DLG2: variants seen among roughly 807,000 people sequenced by gnomAD.
DLG2 encodes the protein disks large homolog 2.
DLG2 carries 45 observed loss-of-function variants against 132.5 expected under a neutral mutation model. The ratio of observed to expected loss-of-function variants is 0.34; its 90% confidence interval spans 0.27 to 0.44. The LOEUF (loss-of-function observed/expected upper bound fraction) is 0.44. DLG2 is among the 20% of genes least tolerant of loss of function. DLG2 has a pLI of 1.00. For synonymous variants in DLG2, 424 were observed against 419.6 expected (o/e 1.01, Z -0.13); for missense variants, 1,045 against 1,196.9 (o/e 0.87, Z 1.87).
At chr11:84,171,661 G>A (rs2095825658) in intron 8 of DLG2, among the ~76,000 whole-genome samples, 1 of 152,070 alleles carries the variant, frequency 6.6e-6, no homozygotes, top group Admixed American at 6.6e-5. Flanking sequence ...CTTTGCTATT[G>A]TGAATAGAGC....
chr11:85,490,393 T>C (rs987085571), intron 3 of DLG2, among the ~76,000 whole-genome samples: 1 of 151,560 alleles, frequency 6.6e-6, no homozygotes, highest in African/African-American at 2.4e-5. Context: ...TTCAAGGAAC[T>C]AGAAAAGCAA....
At chr11:85,032,374 T>C (rs560039877) in intron 6 of DLG2, among the ~76,000 whole-genome samples, 3 of 152,318 alleles carry the variant, frequency 2.0e-5, no homozygotes, top group African/African-American at 7.2e-5. Context: ...TACAAATGAG[T>C]GTCCTATCCT....
chr11:85,560,975 T>C lies in DLG2; in HGVS notation c.40+37682A>G, dbSNP rs573864846. On this transcript the variant is annotated intron_variant, in intron 3 of 27. Coordinates refer to ENST00000376104, the MANE Select transcript of DLG2 (RefSeq NM_001142699.3). Reference sequence around the variant, plus strand: ...TGAGCCTGAGAGGTCAAGGCTGCAGTGAGCTGTGATCATTCCATTGCACTC... The same window carrying C: ...TGAGCCTGAGAGGTCAAGGCTGCAGCGAGCTGTGATCATTCCATTGCACTC... Among the ~76,000 whole-genome samples, 5 of 151,622 alleles carry C rather than the reference T, an allele frequency of 3.3e-5. No homozygotes were observed. The East Asian group carries it at 9.7e-4, about 29-fold the overall frequency.
intron 15 of DLG2, among the ~76,000 whole-genome samples, chr11:83,903,684 G>A (rs1836400713): frequency 1.3e-5 from 2 of 152,148 alleles, no homozygotes; most frequent in South Asian, 4.1e-4. Context: ...TTTCCACAAT[G>A]AGTGTAGTTG....
At chr11:83,625,222 G>C (rs1056879219) in intron 19 of DLG2, among the ~76,000 whole-genome samples, 16 of 152,138 alleles carry the variant, frequency 1.1e-4, no homozygotes, top group African/African-American at 3.9e-4. Context: ...CAAGATTGGA[G>C]GGGAAGAAGA....
At chr11:84,143,791 T>A (rs2094955569) in intron 9 of DLG2, among the ~76,000 whole-genome samples, 1 of 152,122 alleles carries the variant, frequency 6.6e-6, no homozygotes, top group South Asian at 2.1e-4. Flanking sequence ...AGGTATTCAT[T>A]GTAGGAGGAA....
chr11:84,318,879 T>C (rs758177737), intron 7 of DLG2, among the ~76,000 whole-genome samples: 5 of 152,100 alleles, frequency 3.3e-5, no homozygotes, highest in Non-Finnish European at 7.3e-5. Context: ...AATACATACA[T>C]ATGTTTGACG....
chr11:83,850,972 C>T (rs532544447), intron 16 of DLG2, among the ~76,000 whole-genome samples: 79 of 152,072 alleles, frequency 5.2e-4, no homozygotes, highest in African/African-American at 1.6e-3. Context: ...GTCAGGAGAT[C>T]GAGATCATCC....
intron 3 of DLG2, among the ~76,000 whole-genome samples, chr11:85,367,598 A>T (rs1489629985): frequency 6.6e-6 from 1 of 152,156 alleles, no homozygotes; most frequent in Non-Finnish European, 1.5e-5. Context: ...GCTTTCTCAT[A>T]TGCTAATTAT....
At chr11:84,655,737 TG>T (rs1030086727) in intron 6 of DLG2, among the ~76,000 whole-genome samples, 3 of 140,784 alleles carry the variant, frequency 2.1e-5, no homozygotes, top group African/African-American at 7.8e-5. Flanking sequence ...TTTTTTTGTT[TG>T]TTTTTTTTTT....
At chr11:83,530,943 TAAG>T (rs894391145) in intron 21 of DLG2, among the ~76,000 whole-genome samples, 2 of 151,948 alleles carry the variant, frequency 1.3e-5, no homozygotes, top group African/African-American at 2.4e-5. Context: ...AAAATGAAAT[TAAG>T]AAGACAATTC....
intron 25 of DLG2, among the ~76,000 whole-genome samples, chr11:83,468,491 T>C (rs1326878584): frequency 2.0e-5 from 3 of 152,180 alleles, no homozygotes; most frequent in Non-Finnish European, 4.4e-5. Context: ...AGATGCAACT[T>C]CTTAGTGTAT....
chr11:84,770,877 G>A (rs1423313321), intron 6 of DLG2, among the ~76,000 whole-genome samples: 1 of 151,286 alleles, frequency 6.6e-6, no homozygotes, highest in Non-Finnish European at 1.5e-5. Context: ...TCAATCTCCT[G>A]ACCCTCGTGA....
chr11:84,703,404 G>C (rs974371463), intron 6 of DLG2, among the ~76,000 whole-genome samples: 1 of 151,352 alleles, frequency 6.6e-6, no homozygotes, highest in Non-Finnish European at 1.5e-5. Flanking sequence ...AAAGCCATAG[G>C]ATAATGAAGA....
chr11:83,978,237 A>G (rs927539109), intron 12 of DLG2, among the ~76,000 whole-genome samples: 3 of 152,022 alleles, frequency 2.0e-5, no homozygotes, highest in South Asian at 2.1e-4. Context: ...AAATAAGCAC[A>G]TAGCATTTAC....
chr11:85,444,816 C>A lies in DLG2; in HGVS notation c.40+153841G>T, dbSNP rs541945717. Among the ~76,000 whole-genome samples the A allele has an allele frequency of 2.6e-5, 4 of 152,280 alleles. No individual in the cohort carries two copies. The East Asian group carries it at 7.7e-4, about 29-fold the overall frequency. ...AGTTGGTACAAAAGTAATTGTGGTT[C>A]TTGTAGTTACTTTTAATAGCAAAAG... On this transcript the variant is annotated intron_variant, in intron 3 of 27. Transcript: ENST00000376104.
At chr11:84,900,069 A>G (rs995214912) in intron 6 of DLG2, among the ~76,000 whole-genome samples, 1 of 152,052 alleles carries the variant, frequency 6.6e-6, no homozygotes, top group Non-Finnish European at 1.5e-5. Context: ...GACCTTCAGT[A>G]TCTTACATAT....
intron 9 of DLG2, among the ~76,000 whole-genome samples, chr11:84,124,644 G>A (rs56845215): frequency 2.1e-3 from 315 of 152,058 alleles, no homozygotes; most frequent in African/African-American, 7.1e-3. Context: ...AGTCCCACAC[G>A]GTACATGTCA....
At chr11:85,465,233 C>T (rs940370813) in intron 3 of DLG2, among the ~76,000 whole-genome samples, 2 of 150,826 alleles carry the variant, frequency 1.3e-5, no homozygotes, top group South Asian at 4.2e-4. Flanking sequence ...AACTCAAACT[C>T]CTGGGCTCAA....
Sources: allele counts gnomAD v4.1 joint callset (sites outside exome capture counted in the v4.1 genomes callset), GRCh38; gene constraint gnomAD v4.1.1; transcripts MANE v1.5; gene names NCBI Gene and HGNC (gene_info 2026-07-23, HGNC 2026-07-21).